Variants in CELF2 observed in about 807,000 individuals in gnomAD.
The protein encoded by CELF2 is CUG triplet repeat RNA-binding protein 2.
CELF2 carries 8 observed loss-of-function variants against 62.6 expected under a neutral mutation model. The ratio of observed to expected loss-of-function variants is 0.13; its 90% confidence interval spans 0.07 to 0.23. The LOEUF (loss-of-function observed/expected upper bound fraction) is 0.23, where lower values mean the gene tolerates loss of function less well. Ranked by LOEUF, CELF2 falls within the 10% of genes least tolerant of loss-of-function variation. The pLI is 1.00. For synonymous variants in CELF2, 258 were observed against 250.0 expected, an observed-to-expected ratio of 1.03 and a Z score of -0.30; for missense variants, 333 against 671.0, an observed-to-expected ratio of 0.50 and a Z score of 5.56.
intron 2 of CELF2, among the ~76,000 whole-genome samples, chr10:10,984,303 G>A (rs1056698457): frequency 4.6e-5 from 7 of 152,188 alleles, no homozygotes; most frequent in Non-Finnish European, 8.8e-5. Flanking sequence ...TAAACGAAGT[G>A]TTGATGGTTG....
At chr10:11,097,482 A>G (rs1410483324) in intron 1 of CELF2, 1 of 152,188 alleles carries the variant, frequency 6.6e-6, no homozygotes. Context: ...TAAAATACCC[A>G]ATGATAGGAC....
chr10:10,787,665 C>A, the CELF2 span, among the ~76,000 whole-genome samples: 2 of 152,176 alleles, frequency 1.3e-5, no homozygotes, highest in East Asian at 1.9e-4. Context: ...TATTCTTTGT[C>A]CCTACGTAAA....
At chr10:11,009,994 G>C (rs531759647) in intron 1 of CELF2, among the ~76,000 whole-genome samples, 4 of 152,356 alleles carry the variant, frequency 2.6e-5, no homozygotes, top group African/African-American at 9.6e-5. Flanking sequence ...CCTGGGCACA[G>C]TTGTGCCTTT....
chr10:10,841,311 T>A (rs953133614), intron 1 of CELF2, among the ~76,000 whole-genome samples: 9 of 151,080 alleles, frequency 6.0e-5, no homozygotes, highest in African/African-American at 2.2e-4. Flanking sequence ...TTGTCAATTT[T>A]TTTCTTTCAT....
chr10:10,927,867 A>G (rs796646605), intron 2 of CELF2, among the ~76,000 whole-genome samples: 1 of 152,270 alleles, frequency 6.6e-6, no homozygotes, highest in East Asian at 1.9e-4. Context: ...AGAAGTCCAA[A>G]TGATCTCTGA....
rs1233205945 is a variant in CELF2, at chr10:10,931,343, C to T, written c.89+11344C>T. Among the ~76,000 whole-genome samples, 2 of 152,066 alleles carry T rather than the reference C, an allele frequency of 1.3e-5. No individual in the cohort carries two copies. The highest frequency in any genetic ancestry group is 2.4e-5 in the African/African-American group (1 of 41,402). On this transcript the variant is annotated intron_variant, in intron 2 of 13. Coordinates refer to the CELF2 transcript ENST00000636488. This position sits in a 1 kb window ranked among gnomAD's most constrained non-coding sequence, Gnocchi z 6.1. The stretch of plus-strand genomic sequence containing the variant: ...TAGGCCTGACTATTCATCCTTAAAC[C>T]TCTGCTTGTCATGCTGGCTGGGGGT...
chr10:11,306,126 G>C lies in CELF2; in HGVS notation c.977-8013G>C, dbSNP rs912844296. Among the ~76,000 whole-genome samples, 9 of 152,114 alleles carry C rather than the reference G, an allele frequency of 5.9e-5. No individual in the cohort carries two copies. The highest frequency in any genetic ancestry group is 3.9e-4 in the Admixed American group (6 of 15,274). On this transcript the variant is annotated intron_variant, in intron 9 of 12. Transcript: ENST00000633077. The surrounding 1 kb of genome is among the most constrained non-coding windows in gnomAD (Gnocchi z 4.4). ...ATCCAAGTTATTGCAGCCACTGTGC[G>C]AGCAAGGTGAGGTGCACTTTGCAGC...
intron 2 of CELF2, among the ~76,000 whole-genome samples, chr10:11,169,415 G>C (rs2068167824): frequency 6.6e-6 from 1 of 152,238 alleles, no homozygotes; most frequent in Non-Finnish European, 1.5e-5. Context: ...CTTGAAAACA[G>C]TCTTAGGATT....
the CELF2 span, chr10:10,776,701 C>G: frequency 6.4e-6 from 1 of 155,230 alleles, no homozygotes; most frequent in Non-Finnish European, 1.5e-5. Flanking sequence ...ATGCACAGAG[C>G]AGGACCAGCC....
the CELF2 span, among the ~76,000 whole-genome samples, chr10:10,514,345 C>T: frequency 1.3e-5 from 2 of 152,104 alleles, no homozygotes; most frequent in Non-Finnish European, 2.9e-5. Flanking sequence ...AACTGACCTA[C>T]TGGTGAATCC....
At chr10:10,999,554 T>C (rs2054311212) in intron 2 of CELF2, among the ~76,000 whole-genome samples, 1 of 152,170 alleles carries the variant, frequency 6.6e-6, no homozygotes, top group Admixed American at 6.5e-5. Flanking sequence ...TGAGCTATGA[T>C]TGTGTCACTG....
At chr10:11,069,269 G>A (rs1164707186) in intron 1 of CELF2, among the ~76,000 whole-genome samples, 5 of 152,162 alleles carry the variant, frequency 3.3e-5, no homozygotes, top group Non-Finnish European at 7.4e-5. Flanking sequence ...TCCCATGATA[G>A]CAAAGAAAAG....
chr10:10,771,052 C>T, the CELF2 span, among the ~76,000 whole-genome samples: 7 of 152,162 alleles, frequency 4.6e-5, no homozygotes, highest in African/African-American at 9.7e-5. Context: ...AGGGAATAGA[C>T]GAGTGTTCTT....
At chr10:10,534,361 T>C in the CELF2 span, among the ~76,000 whole-genome samples, 2 of 152,044 alleles carry the variant, frequency 1.3e-5, no homozygotes, top group Non-Finnish European at 2.9e-5. Context: ...GAGAACATCT[T>C]TGAAAGTGGG....
At chr10:10,965,274 T>A (rs776280275) in intron 2 of CELF2, among the ~76,000 whole-genome samples, 2 of 152,192 alleles carry the variant, frequency 1.3e-5, no homozygotes, top group Non-Finnish European at 2.9e-5. Context: ...TTCTGTTAAT[T>A]TCATGTGTGT....
At chr10:10,509,681 A>C in the CELF2 span, among the ~76,000 whole-genome samples, 5 of 152,178 alleles carry the variant, frequency 3.3e-5, no homozygotes, top group Non-Finnish European at 7.3e-5. Context: ...TCTAGAAAAT[A>C]ATCTGTGTCT....
At chr10:10,520,571 G>T in the CELF2 span, among the ~76,000 whole-genome samples, 1 of 152,154 alleles carries the variant, frequency 6.6e-6, no homozygotes, top group African/African-American at 2.4e-5. Context: ...GACATGTAAA[G>T]GGAAATGAGG....
chr10:11,173,965 A>C (rs929276614), intron 2 of CELF2, among the ~76,000 whole-genome samples: 4 of 152,232 alleles, frequency 2.6e-5, no homozygotes, highest in African/African-American at 9.6e-5. Context: ...GTTCTGAGAC[A>C]GTCGGGAGAA....
chr10:11,051,158 T>C (rs1276362689), intron 1 of CELF2, among the ~76,000 whole-genome samples: 1 of 152,210 alleles, frequency 6.6e-6, no homozygotes, highest in Non-Finnish European at 1.5e-5. Context: ...GCTCAATCTC[T>C]ATAGTCTTTG....
Sources: gnomAD v4.1 joint callset for allele counts (sites outside exome capture counted in the v4.1 genomes callset) on GRCh38, gnomAD v4.1.1 for gene constraint, Gnocchi (gnomAD v3.1) non-coding constraint, MANE v1.5 for transcripts, NCBI Gene and HGNC (gene_info 2026-07-23, HGNC 2026-07-21) for gene names.